The following NSUN6 variants were observed in gnomAD, a reference collection of about 807,000 sequenced individuals.
NSUN6 encodes the protein tRNA (cytosine(72)-C(5))-methyltransferase NSUN6.
Under a neutral mutation model 58.0 loss-of-function variants are expected in NSUN6, and 64 were observed. That is an observed-to-expected ratio of 1.10 (90% confidence interval 0.90 to 1.36). The LOEUF (loss-of-function observed/expected upper bound fraction) is 1.36. NSUN6 is among the 40% of genes most tolerant of loss of function. The pLI, the probability that NSUN6 is intolerant of heterozygous loss-of-function variation, is 0.00. For synonymous variants in NSUN6, 231 were observed against 193.9 expected, an observed-to-expected ratio of 1.19 and a Z score of -1.59; for missense variants, 701 against 550.1, an observed-to-expected ratio of 1.27 and a Z score of -2.74.
Position 18,651,319 on chromosome 10 carries a change from C to A in NSUN6, c.-116G>T. The A allele has an allele frequency of 7.1e-7, 1 of 1,417,424 alleles. No individual in the cohort carries two copies. Among genetic ancestry groups the A allele is most frequent in the South Asian group, 1.6e-5 (1 of 62,932 alleles). 87.8% of individuals were successfully genotyped at this position (1,417,424 alleles called of 1,614,324 possible). On this transcript the variant is annotated 5_prime_UTR_variant, in exon 1 of 11. Coordinates refer to ENST00000377304, the MANE Select transcript of NSUN6 (RefSeq NM_182543.5). ...CTTGACACCAGATGCTGAGGAAAAT[C>A]TTGCCGATCACGCTGAGTTAATTTC...
At chr10:18,640,836 T>C (rs1316794416) in intron 3 of NSUN6, among the ~76,000 whole-genome samples, 2 of 151,426 alleles carry the variant, frequency 1.3e-5, no homozygotes, top group Non-Finnish European at 2.9e-5. Context: ...TCAACTTTAA[T>C]TGCAAAAATA....
intron 8 of NSUN6, among the ~76,000 whole-genome samples, chr10:18,556,459 AAATGGAGAATGGAATGG>A (rs2055028902): frequency 6.9e-6 from 1 of 145,010 alleles, no homozygotes; most frequent in African/African-American, 2.5e-5. Flanking sequence ...GAATGGGATG[AAATGGAGAATGGAATGG>A]AATGGAATGG....
At chr10:18,624,303 C>A (rs1238087231) in intron 3 of NSUN6, among the ~76,000 whole-genome samples, 2 of 151,812 alleles carry the variant, frequency 1.3e-5, no homozygotes, top group Non-Finnish European at 2.9e-5. Flanking sequence ...AAGCAAAGCA[C>A]AGACAAGATA....
chr10:18,571,314 T>C (rs1347745903), intron 8 of NSUN6, among the ~76,000 whole-genome samples: 1 of 150,494 alleles, frequency 6.6e-6, no homozygotes, highest in Non-Finnish European at 1.5e-5. Flanking sequence ...TTCCATTCCC[T>C]TCTTTTCTCC....
At chr10:18,645,833 T>C (rs978529201) in intron 2 of NSUN6, among the ~76,000 whole-genome samples, 6 of 152,190 alleles carry the variant, frequency 3.9e-5, no homozygotes, top group Non-Finnish European at 8.8e-5. Context: ...CATTTCAACC[T>C]ACAATGTTTG....
At chr10:18,633,556 C>A (rs913054118) in intron 3 of NSUN6, among the ~76,000 whole-genome samples, 1 of 151,910 alleles carries the variant, frequency 6.6e-6, no homozygotes, top group Admixed American at 6.6e-5. Context: ...AGTTTCTCAG[C>A]AGGGTGTGGA....
At chr10:18,604,394 G>T (rs1265810923) in intron 6 of NSUN6, among the ~76,000 whole-genome samples, 1 of 152,152 alleles carries the variant, frequency 6.6e-6, no homozygotes, top group African/African-American at 2.4e-5. Flanking sequence ...GTGAAGGGAT[G>T]CTCTTCAATT....
chr10:18,612,606 C>T (rs2058275955), intron 5 of NSUN6, among the ~76,000 whole-genome samples: 1 of 152,136 alleles, frequency 6.6e-6, no homozygotes, highest in South Asian at 2.1e-4. Context: ...ATGTTCATGC[C>T]TGTCTTCCTA....
chr10:18,628,859 C>T (rs375649529), intron 3 of NSUN6, among the ~76,000 whole-genome samples: 9 of 152,236 alleles, frequency 5.9e-5, no homozygotes, highest in East Asian at 1.9e-4. Context: ...AACTTCCCCA[C>T]TCTAGCAAGG....
chr10:18,628,298 A>G (rs1315597558), intron 3 of NSUN6, among the ~76,000 whole-genome samples: 1 of 152,134 alleles, frequency 6.6e-6, no homozygotes, highest in Non-Finnish European at 1.5e-5. Context: ...AACCACAAAG[A>G]TGGGGAAAAA....
chr10:18,626,623 C>T (rs2058816624), intron 3 of NSUN6, among the ~76,000 whole-genome samples: 2 of 152,178 alleles, frequency 1.3e-5, no homozygotes, highest in South Asian at 4.1e-4. Flanking sequence ...CAAAAATTAG[C>T]TCAGCGTGAT....
chr10:18,636,635 T>A (rs2059223502), intron 3 of NSUN6, among the ~76,000 whole-genome samples: 1 of 152,200 alleles, frequency 6.6e-6, no homozygotes, highest in Non-Finnish European at 1.5e-5. Context: ...GGCTCATGCC[T>A]GTAATCCCAG....
At chr10:18,557,739 G>A (rs2055152468) in intron 8 of NSUN6, among the ~76,000 whole-genome samples, 2 of 150,594 alleles carry the variant, frequency 1.3e-5, no homozygotes, top group South Asian at 4.2e-4. Context: ...AATGGAGAAT[G>A]AACTGGAATG....
Position 18,651,211 on chromosome 10 carries a change from G to C in NSUN6, c.-8C>G, listed in dbSNP as rs887034595. 1 of 1,547,816 alleles carries C rather than the reference G, an allele frequency of 6.5e-7. No homozygotes were observed. On this transcript the variant is annotated 5_prime_UTR_variant, in exon 1 of 11. Coordinates refer to ENST00000377304, the MANE Select transcript of NSUN6 (RefSeq NM_182543.5). The stretch of plus-strand genomic sequence containing the variant: ...CTTAGGGAAAATAGACATTTTTCCT[G>C]TTGTTTAGTTCTCCACCAAGAGAAA...
chr10:18,636,815 G>C (rs574078245), intron 3 of NSUN6, among the ~76,000 whole-genome samples: 162 of 151,822 alleles, frequency 1.1e-3, no homozygotes, highest in Non-Finnish European at 1.7e-3. Flanking sequence ...CTTGAACCTG[G>C]GAGGCGGAGC....
intron 3 of NSUN6, among the ~76,000 whole-genome samples, chr10:18,630,978 G>C (rs1158410982): frequency 6.6e-6 from 1 of 151,730 alleles, no homozygotes; most frequent in East Asian, 1.9e-4. Context: ...CAATATCCTT[G>C]ATGAACATTG....
In NSUN6 at chr10:18,545,921, T is replaced by A; in HGVS notation, c.*12A>T. The A allele has an allele frequency of 3.0e-6, 4 of 1,329,846 alleles. No homozygotes were observed. Among genetic ancestry groups the A allele is most frequent in the East Asian group, 2.3e-5 (1 of 42,690 alleles). 82.4% of individuals were successfully genotyped at this position (1,329,846 alleles called of 1,614,324 possible). ...TGTTTGGAATTTTCATTTCTGAGCA[T>A]CCATCCCTCTCCTATGTGCTTTTGC... is the stretch of plus-strand genomic sequence containing the variant. On this transcript the variant is annotated 3_prime_UTR_variant, in exon 11 of 11. Transcript: ENST00000377304.
chr10:18,624,850 T>C (rs1287635535), intron 3 of NSUN6, among the ~76,000 whole-genome samples: 2 of 152,028 alleles, frequency 1.3e-5, no homozygotes, highest in African/African-American at 4.8e-5. Context: ...CCTTCCCTAA[T>C]GATAAATAAG....
At chr10:18,652,417 T>C, upstream of NSUN6, 1 of 985,086 alleles carries the variant, frequency 1.0e-6, no homozygotes, top group Non-Finnish European at 1.2e-6. Context: ...TTTTTTTCTC[T>C]TTAATTTTCA....
Sources: allele counts gnomAD v4.1 joint callset (sites outside exome capture counted in the v4.1 genomes callset), GRCh38; gene constraint gnomAD v4.1.1; transcripts MANE v1.5; gene names NCBI Gene and HGNC (gene_info 2026-07-23, HGNC 2026-07-21).